TTBK2: variants seen among roughly 807,000 people sequenced by gnomAD.
TTBK2 encodes the protein tau tubulin kinase 2, also known as tau-tubulin kinase 2.
Under a neutral mutation model 110.8 loss-of-function variants are expected in TTBK2, and 28 were observed. The observed-to-expected ratio is 0.25, with a 90% CI of 0.19 to 0.35. The LOEUF is 0.35. TTBK2 is among the 10% of genes least tolerant of loss of function. TTBK2 has a pLI of 1.00. For missense variants in TTBK2, 1,369 were observed against 1,500.3 expected (o/e 0.91, Z 1.45); for synonymous variants, 532 against 527.3 (o/e 1.01, Z -0.12).
At position 42,858,734 on chromosome 15, in the gene TTBK2, G is replaced by A. The variant is rs1403383847; in HGVS notation, c.217+13877C>T. The stretch of plus-strand genomic sequence containing the variant: ...CATACCAGAGCAGAATCATACACGG[G>A]AACCAGTGCCAGAGTAGAAAAACCT... On this transcript the variant is annotated intron_variant, in intron 3 of 14. Coordinates refer to ENST00000267890, the MANE Select transcript of TTBK2 (RefSeq NM_173500.4). Among the ~76,000 whole-genome samples, 3 of 152,156 alleles carry A rather than the reference G, an allele frequency of 2.0e-5. No individual in the cohort carries two copies. The East Asian group carries it at 5.8e-4, about 29-fold the overall frequency.
chr15:42,876,551 C>T (rs1329784886), intron 2 of TTBK2, among the ~76,000 whole-genome samples: 5 of 152,176 alleles, frequency 3.3e-5, no homozygotes, highest in Non-Finnish European at 5.9e-5. Context: ...TCAAAGCCTA[C>T]TGACTTACCT....
At chr15:42,852,516 T>C (rs1024787607) in intron 3 of TTBK2, among the ~76,000 whole-genome samples, 43 of 152,354 alleles carry the variant, frequency 2.8e-4, no homozygotes, top group African/African-American at 1.0e-3. Context: ...TTGAGTTATA[T>C]GTGATTCCAA....
chr15:42,839,976 T>C lies in TTBK2; in HGVS notation c.291+384A>G, dbSNP rs537249498. On this transcript the variant is annotated intron_variant, in intron 4 of 14. Transcript: ENST00000267890. ...GTAAGAAATAAATCTCTGTTCTTTA[T>C]GCATTACTCAGTCTTGGGTATTCTG... 2.6e-5 allele frequency among the ~76,000 whole-genome samples: 4 copies of C among 152,316 alleles called. No individual in the cohort carries two copies. In the South Asian group the frequency reaches 8.3e-4, roughly 32 times the overall value.
intron 1 of TTBK2, among the ~76,000 whole-genome samples, chr15:42,896,716 G>A (rs375802129): frequency 3.3e-5 from 5 of 152,032 alleles, no homozygotes; most frequent in African/African-American, 9.7e-5. Flanking sequence ...TCACTTAGAC[G>A]CCAGGAAGTC....
chr15:42,916,586 C>T (rs529644612), intron 1 of TTBK2, among the ~76,000 whole-genome samples: 22 of 152,198 alleles, frequency 1.4e-4, no homozygotes, highest in Admixed American at 2.6e-4. Flanking sequence ...CTACCTTGGC[C>T]TCCCAAAGTG....
chr15:42,748,066 C>CT (rs2061819385), intron 14 of TTBK2, among the ~76,000 whole-genome samples: 1 of 152,140 alleles, frequency 6.6e-6, no homozygotes, highest in African/African-American at 2.4e-5. Flanking sequence ...TCCATGAACA[C>CT]TAAACTTTTC....
At chr15:42,791,254 G>A (rs1219309121) in intron 10 of TTBK2, among the ~76,000 whole-genome samples, 1 of 152,100 alleles carries the variant, frequency 6.6e-6, no homozygotes, top group Non-Finnish European at 1.5e-5. Flanking sequence ...TCCTGACTTT[G>A]TGACTCGCCT....
chr15:42,846,538 G>C (rs913670063), intron 3 of TTBK2, among the ~76,000 whole-genome samples: 11 of 152,154 alleles, frequency 7.2e-5, no homozygotes, highest in Middle Eastern at 3.2e-3. Flanking sequence ...GGAATGCATG[G>C]ATGTGGAACC....
Position 42,819,265 on chromosome 15 carries a change from G to A in TTBK2, c.538-2168C>T, listed in dbSNP as rs144180664. Among the ~76,000 whole-genome samples, 1,286 of 149,476 alleles carry A rather than the reference G, an allele frequency of 8.6e-3. 20 individuals are homozygous for A. Among genetic ancestry groups the A allele is most frequent in the African/African-American group, 0.03 (1,214 of 40,682 alleles). ...GGGCAGATCACAAGGTCAAGAGATC[G>A]ACACCATCCTGACCAACATGGTGAA... On this transcript the variant is annotated intron_variant, in intron 6 of 14. Transcript: ENST00000267890.
At chr15:42,759,693 C>T (rs904378356) in intron 13 of TTBK2, among the ~76,000 whole-genome samples, 1 of 152,124 alleles carries the variant, frequency 6.6e-6, no homozygotes, top group African/African-American at 2.4e-5. Context: ...TGCATGAAGA[C>T]TACATTATTG....
chr15:42,772,655 T>C (rs939761537), intron 13 of TTBK2, among the ~76,000 whole-genome samples: 1 of 152,178 alleles, frequency 6.6e-6, no homozygotes, highest in Non-Finnish European at 1.5e-5. Flanking sequence ...AATATTAAAA[T>C]GAAGCACTGA....
rs1555429705 is a variant in TTBK2, at chr15:42,834,196, A to AAG, written c.292-4119_292-4118insCT. Among the ~76,000 whole-genome samples the AAG allele has an allele frequency of 2.2e-4, 27 of 124,314 alleles. 1 individual carries two copies. Among genetic ancestry groups the AAG allele is most frequent in the African/African-American group, 5.7e-4 (17 of 29,772 alleles). The allele number at this position is 124,314 out of a possible 152,430, so 81.6% of individuals were successfully genotyped here. A position where few individuals can be genotyped will look rare whatever the true frequency, so the allele number is the denominator to read the frequency against. On this transcript the variant is annotated intron_variant, in intron 4 of 14. Transcript: ENST00000267890. ...AAGACCCCATCTCAAAAAAAAAAAA[A>AAG]GGGGGGGGGTGTATAAAAGGAAAGA...
At chr15:42,760,218 T>C (rs1359173897) in intron 13 of TTBK2, among the ~76,000 whole-genome samples, 1 of 151,812 alleles carries the variant, frequency 6.6e-6, no homozygotes, top group Non-Finnish European at 1.5e-5. Flanking sequence ...AAACCCTGTC[T>C]CTACTAAAAA....
At chr15:42,800,813 G>A (rs147893729) in intron 9 of TTBK2, among the ~76,000 whole-genome samples, 189 of 152,220 alleles carry the variant, frequency 1.2e-3, no homozygotes, top group Non-Finnish European at 2.4e-3. Flanking sequence ...CATGGGCAAG[G>A]GGGGGTCCCC....
chr15:42,807,234 T>C (rs889116423), intron 9 of TTBK2, among the ~76,000 whole-genome samples: 24 of 152,176 alleles, frequency 1.6e-4, no homozygotes, highest in African/African-American at 5.3e-4. Context: ...CCTCTGATAT[T>C]AGCAACGTTG....
At chr15:42,764,846 C>T (rs1052468215) in intron 13 of TTBK2, among the ~76,000 whole-genome samples, 86 of 152,374 alleles carry the variant, frequency 5.6e-4, no homozygotes, top group African/African-American at 2.0e-3. Context: ...TTGGGAGACA[C>T]CTCCCAGTAG....
chr15:42,798,859 G>A (rs1168325850), intron 9 of TTBK2, among the ~76,000 whole-genome samples: 1 of 152,134 alleles, frequency 6.6e-6, no homozygotes, highest in East Asian at 1.9e-4. Flanking sequence ...TGTTTGAAGA[G>A]GAGGAAAAGA....
At chr15:42,794,510 T>G (rs1316021323) in intron 10 of TTBK2, 134 bp downstream of exon 10, 1 of 1,223,554 alleles carries the variant, frequency 8.2e-7, no homozygotes. Context: ...AAGAGCAATG[T>G]TAATTCGAGG....
At chr15:42,893,111 G>C (rs58982796) in intron 1 of TTBK2, among the ~76,000 whole-genome samples, 1 of 151,792 alleles carries the variant, frequency 6.6e-6, no homozygotes, top group East Asian at 1.9e-4. Context: ...AGGCAAATTA[G>C]AAAATATTTG....
Sources: gnomAD v4.1 joint callset for allele counts (sites outside exome capture counted in the v4.1 genomes callset) on GRCh38, gnomAD v4.1.1 for gene constraint, MANE v1.5 for transcripts, NCBI Gene and HGNC (gene_info 2026-07-23, HGNC 2026-07-21) for gene names.